The following TSPAN17 variants were observed in gnomAD, a reference collection of about 807,000 sequenced individuals.
TSPAN17 encodes the protein tetraspanin-17.
Under a neutral mutation model 40.5 loss-of-function variants are expected in TSPAN17, and 33 were observed. The observed-to-expected ratio is 0.81, with a 90% CI of 0.62 to 1.09. The LOEUF (loss-of-function observed/expected upper bound fraction) is 1.09. Among genes scored for constraint, TSPAN17 ranks in the 50% least tolerant of loss-of-function variants. TSPAN17 has a pLI of 0.00. For missense variants in TSPAN17, 365 were observed against 416.8 expected (o/e 0.88, Z 1.08); for synonymous variants, 166 against 169.4 (o/e 0.98, Z 0.15).
chr5:176,655,263 G>A (rs1382309441), intron 5 of TSPAN17, among the ~76,000 whole-genome samples: 1 of 152,188 alleles, frequency 6.6e-6, no homozygotes, highest in Non-Finnish European at 1.5e-5. Context: ...GATGGGGACT[G>A]GCCTGGAGGC....
At position 176,656,106 on chromosome 5, in the gene TSPAN17, A is replaced by T; in HGVS notation, c.611A>T (p.Tyr204Phe). 1 of 1,614,140 alleles carries T rather than the reference A, an allele frequency of 6.2e-7. No homozygotes were observed. The highest frequency in any genetic ancestry group is 1.1e-5 in the South Asian group (1 of 91,076). The change falls in exon 6 of 9, where the codon TAC (tyrosine) becomes TTC (phenylalanine). Residue 204 changes from tyrosine (Y) to phenylalanine (F), a missense_variant. Transcript: ENST00000508164. ...AEDVLNTQCG[Y>F]DVRLKLELEQ... ...GATGTCCTCAACACCCAGTGTGGCT[A>T]CGACGTCCGGCTCAAACTGGTGAGA...
At position 176,656,078 on chromosome 5, in the gene TSPAN17, G is replaced by T; in HGVS notation, c.583G>T (p.Glu195Ter). 6.2e-7 allele frequency: 1 copy of T among 1,614,186 alleles called. No individual in the cohort carries two copies. Among genetic ancestry groups the T allele is most frequent in the South Asian group, 1.1e-5 (1 of 91,082 alleles). The change falls in exon 6 of 9, where the codon GAG (glutamate) becomes TAG (stop). Residue 195 changes from glutamate to a stop codon, truncating the protein, a stop_gained and splice_region_variant. Coordinates refer to ENST00000508164, the MANE Select transcript of TSPAN17 (RefSeq NM_130465.5). LOFTEE classifies it high-confidence loss of function. ...CACTAACTGGCCTGTCTCCCCTCAG[G>T]AGGATGTCCTCAACACCCAGTGTGG... Reference protein sequence around the residue: ...PFSCCVRDPAEDVLNTQCGYD... With the variant: ...PFSCCVRDPA
Position 176,654,715 on chromosome 5 carries a change from T to C in TSPAN17, c.457-180T>C. On this transcript the variant is annotated intron_variant, in intron 4 of 8. Coordinates refer to ENST00000508164, the MANE Select transcript of TSPAN17 (RefSeq NM_130465.5). The surrounding 1 kb of genome is among the most constrained non-coding windows in gnomAD (Gnocchi z 4.3). Reference sequence around the variant, plus strand: ...CAGTGTCCCCTCCCTTGCACCCCTCTGCCTCCACCAGCCTGGAGGTTGGGC... The same window carrying C: ...CAGTGTCCCCTCCCTTGCACCCCTCCGCCTCCACCAGCCTGGAGGTTGGGC... The C allele has an allele frequency of 1.4e-6, 1 of 695,190 alleles. No individual in the cohort carries two copies. The highest frequency in any genetic ancestry group is 2.4e-6 in the Non-Finnish European group (1 of 422,842). The allele number at this position is 695,190 out of a possible 1,614,324, so 43.1% of individuals were successfully genotyped here. A position where few individuals can be genotyped will look rare whatever the true frequency, so the allele number is the denominator to read the frequency against.
intron 8 of TSPAN17, chr5:176,657,317 G>T (rs1377249725): frequency 2.1e-6 from 2 of 941,608 alleles, no homozygotes. Flanking sequence ...GGTCCCCCCC[G>T]TTCCCTGCCC....
rs1259563891 is a variant in TSPAN17, at chr5:176,650,708, G to A, written c.88-908G>A. On this transcript the variant is annotated intron_variant, in intron 1 of 8. Transcript: ENST00000508164. The surrounding 1 kb of genome is among the most constrained non-coding windows in gnomAD (Gnocchi z 4.0). ...AGGGAAGGTGATAAAGGCCTTGGCC[G>A]TGGCTATGTGCTGAGGGGAAGGAGC... is the stretch of plus-strand genomic sequence containing the variant. Among the ~76,000 whole-genome samples, 1 of 152,206 alleles carries A rather than the reference G, an allele frequency of 6.6e-6. No homozygotes were observed. Among genetic ancestry groups the A allele is most frequent in the Non-Finnish European group, 1.5e-5 (1 of 68,032 alleles).
At position 176,652,758 on chromosome 5, in the gene TSPAN17, G is replaced by A. The variant is rs950343560; in HGVS notation, c.301G>A (p.Gly101Ser). 12 of 1,614,048 alleles carry A rather than the reference G, an allele frequency of 7.4e-6. No homozygotes were observed. In the East Asian group the frequency reaches 8.9e-5, roughly 12 times the overall value. The change falls in exon 4 of 9, where the codon GGT (glycine) becomes AGT (serine). Residue 101 changes from glycine to serine, a missense_variant. Coordinates refer to ENST00000508164, the MANE Select transcript of TSPAN17 (RefSeq NM_130465.5). ...FLLKFFSVFL[G>S]LIFFLELATG... ...CCAACCCCAGTTCTCCGTGTTCCTC[G>A]GTCTCATCTTCTTCCTGGAGCTGGC...
At position 176,657,640 on chromosome 5, in the gene TSPAN17, G is replaced by T. The variant is rs141018454; in HGVS notation, c.932G>T (p.Arg311Leu). ...GCCCCTGGCCCGGCCCCACCCAGCC[G>T]ACATGTTTTCTTTGGCCTGGGTGGT... Reference protein sequence around the residue: ...TGAPGPAPPSRHVFFGLGGLY... With the variant: ...TGAPGPAPPSLHVFFGLGGLY... Residue 311 changes from arginine to leucine, a missense_variant, in exon 9 of 9, where the codon CGA becomes CTA. Physicochemically the swap from Arg to Leu is moderately radical, Grantham distance 102. Coordinates refer to ENST00000508164, the MANE Select transcript of TSPAN17 (RefSeq NM_130465.5). 235 of 1,611,420 alleles carry T rather than the reference G, an allele frequency of 1.5e-4. No individual in the cohort carries two copies. The highest frequency in any genetic ancestry group is 1.9e-4 in the Non-Finnish European group (226 of 1,179,396).
At chr5:176,648,020 T>C (rs1049388668) in intron 1 of TSPAN17, among the ~76,000 whole-genome samples, 18 of 152,254 alleles carry the variant, frequency 1.2e-4, no homozygotes, top group Admixed American at 2.0e-4. Flanking sequence ...GGTTGCCCCC[T>C]CTCGCCCAGC....
In TSPAN17 at chr5:176,651,526, G is replaced by T; in HGVS notation, c.88-90G>T. ...AGCCCTTGTGCCTCTTCCTCTCTCC[G>T]CTGGAAAGGCCCTGGCTACCGGGGA... On this transcript the variant is annotated intron_variant, in intron 1 of 8. Coordinates refer to ENST00000508164, the MANE Select transcript of TSPAN17 (RefSeq NM_130465.5). The surrounding 1 kb of genome is among the most constrained non-coding windows in gnomAD (Gnocchi z 4.5). The T allele has an allele frequency of 7.1e-7, 1 of 1,415,424 alleles. No homozygotes were observed. Among genetic ancestry groups the T allele is most frequent in the Non-Finnish European group, 9.5e-7 (1 of 1,053,238 alleles). 87.7% of individuals were successfully genotyped at this position (1,415,424 alleles called of 1,614,324 possible).
At position 176,654,930 on chromosome 5, in the gene TSPAN17, G is replaced by T. The variant is rs377060651; in HGVS notation, c.492G>T (p.Trp164Cys). 1.2e-6 allele frequency: 2 copies of T among 1,613,798 alleles called. No individual in the cohort carries two copies. The highest frequency in any genetic ancestry group is 1.7e-6 in the Non-Finnish European group (2 of 1,179,912). ...SCCGARGPND[W>C]NLNIYFNCTD... is the part of the protein sequence containing the mutation. ...GCGGAGCCCGAGGCCCCAATGACTGGAACCTCAATATCTACTTCAACTGCA... is the reference window on the plus strand; with the variant it reads ...GCGGAGCCCGAGGCCCCAATGACTGTAACCTCAATATCTACTTCAACTGCA... The change falls in exon 5 of 9, where the codon TGG becomes TGT. Residue 164 changes from tryptophan to cysteine, a missense_variant. By Grantham distance (215) the Trp-to-Cys change is radical. Coordinates refer to ENST00000508164, the MANE Select transcript of TSPAN17 (RefSeq NM_130465.5). The surrounding 1 kb of genome is among the most constrained non-coding windows in gnomAD (Gnocchi z 4.3).
chr5:176,652,905 C>G lies in TSPAN17; in HGVS notation c.448C>G (p.Gln150Glu), dbSNP rs748701148. 1 of 1,614,118 alleles carries G rather than the reference C, an allele frequency of 6.2e-7. No individual in the cohort carries two copies. Among genetic ancestry groups the G allele is most frequent in the Admixed American group, 1.7e-5 (1 of 60,028 alleles). The stretch of plus-strand genomic sequence containing the variant: ...CCTCCAGAACCTCATTGACTTTGCT[C>G]AGGAATACGTGAGTCCAGTGTCCAG... ...IDLQNLIDFA[Q>E]EYWSCCGARG... Residue 150 changes from glutamine (Q) to glutamate (E), a missense_variant, in exon 4 of 9, where the codon CAG (glutamine) becomes GAG (glutamate). Transcript: ENST00000508164.
intron 3 of TSPAN17, 31 bp from the exon 4 acceptor site, chr5:176,652,712 C>T (rs762198413): frequency 2.5e-6 from 4 of 1,610,064 alleles, no homozygotes; most frequent in South Asian, 2.2e-5. Context: ...CCTGCGTTTC[C>T]AACCCCTACT....
chr5:176,654,829 T>C lies in TSPAN17; in HGVS notation c.457-66T>C, dbSNP rs1362714581. On this transcript the variant is annotated intron_variant, in intron 4 of 8. Coordinates refer to ENST00000508164, the MANE Select transcript of TSPAN17 (RefSeq NM_130465.5). This position sits in a 1 kb window ranked among gnomAD's most constrained non-coding sequence, Gnocchi z 4.3. ...CCTGTATTCCTGCAGCCTGGGCTTG[T>C]TCCCAAACAGGGTGAGGCTCCTGGG... The C allele has an allele frequency of 1.3e-6, 2 of 1,587,290 alleles. No homozygotes were observed. Among genetic ancestry groups the C allele is most frequent in the Non-Finnish European group, 1.7e-6 (2 of 1,165,344 alleles).
chr5:176,657,042 C>A (rs540849895), intron 8 of TSPAN17, 86 bp downstream of exon 8: 4 of 1,346,378 alleles, frequency 3.0e-6, no homozygotes, highest in Non-Finnish European at 4.1e-6. Flanking sequence ...ATACTCCTGA[C>A]GGGCAAGGCT....
chr5:176,647,820 C>T lies in TSPAN17; in HGVS notation c.87+118C>T, dbSNP rs1760801723. 16 of 942,346 alleles carry T rather than the reference C, an allele frequency of 1.7e-5. No homozygotes were observed. In the East Asian group the frequency reaches 5.2e-4, roughly 30 times the overall value. 58.4% of individuals were successfully genotyped at this position (942,346 alleles called of 1,614,324 possible). ...GAGTTTGGAGCTCGGGACCATCCCC[C>T]CACTTCTGCCACACCCACGCCCACT... On this transcript the variant is annotated intron_variant, in intron 1 of 8. Coordinates refer to ENST00000508164, the MANE Select transcript of TSPAN17 (RefSeq NM_130465.5).
chr5:176,657,034 A>G, intron 8 of TSPAN17, 78 bp downstream of exon 8: 4 of 1,388,380 alleles, frequency 2.9e-6, no homozygotes, highest in Non-Finnish European at 2.0e-6. Context: ...CTCCTACTAT[A>G]CTCCTGACGG....
At position 176,651,701 on chromosome 5, in the gene TSPAN17, A is replaced by G; in HGVS notation, c.138+35A>G. The G allele has an allele frequency of 1.9e-6, 3 of 1,613,972 alleles. No individual in the cohort carries two copies. The highest frequency in any genetic ancestry group is 2.5e-6 in the Non-Finnish European group (3 of 1,179,910). On this transcript the variant is annotated intron_variant, in intron 2 of 8. Coordinates refer to ENST00000508164, the MANE Select transcript of TSPAN17 (RefSeq NM_130465.5). The surrounding 1 kb of genome is among the most constrained non-coding windows in gnomAD (Gnocchi z 4.5). The stretch of plus-strand genomic sequence containing the variant: ...CGGGCGGGCGTGGAGCTGGTATGGG[A>G]CGAGGTGGTGGGAAGGTCAGCTCCC...
In TSPAN17 at chr5:176,657,785, A is replaced by T. The variant is rs1447672441; in HGVS notation, c.*87A>T. 4.6e-6 allele frequency: 7 copies of T among 1,513,900 alleles called. No homozygotes were observed. Among genetic ancestry groups the T allele is most frequent in the Non-Finnish European group, 6.2e-6 (7 of 1,135,342 alleles). 93.8% of individuals were successfully genotyped at this position (1,513,900 alleles called of 1,614,324 possible). A position where few individuals can be genotyped will look rare whatever the true frequency, so the allele number is the denominator to read the frequency against. ...CTCTTCGGTGGCAACACTACCTGGGACACTGCCTCCCCAGTCACCAAGGGC... is the reference window on the plus strand; with the variant it reads ...CTCTTCGGTGGCAACACTACCTGGGTCACTGCCTCCCCAGTCACCAAGGGC... On this transcript the variant is annotated 3_prime_UTR_variant, in exon 9 of 9. Transcript: ENST00000508164.
chr5:176,657,340 A>G, intron 8 of TSPAN17, 178 bp from the exon 9 acceptor site: 2 of 1,132,252 alleles, frequency 1.8e-6, no homozygotes, highest in Non-Finnish European at 2.5e-6. Flanking sequence ...CAGTGCTGGG[A>G]CGCACCTTTC....
Sources: gnomAD v4.1 joint callset for allele counts (sites outside exome capture counted in the v4.1 genomes callset) on GRCh38, gnomAD v4.1.1 for gene constraint, Gnocchi (gnomAD v3.1) non-coding constraint, MANE v1.5 for transcripts, NCBI Gene and HGNC (gene_info 2026-07-23, HGNC 2026-07-21) for gene names.